Variants in B3GAT2 observed in about 807,000 individuals in gnomAD.
The protein encoded by B3GAT2 is galactosylgalactosylxylosylprotein 3-beta-glucuronosyltransferase 2.
In B3GAT2, 26 loss-of-function variants were observed where a neutral mutation model predicts 27.8. That is an observed-to-expected ratio of 0.93 (90% CI 0.68 to 1.30). The LOEUF (loss-of-function observed/expected upper bound fraction) is 1.30, where lower values mean the gene tolerates loss of function less well. Among genes scored for constraint, B3GAT2 ranks in the 50% most tolerant of loss-of-function variants. The probability of loss-of-function intolerance (pLI) is 0.00; values close to 1 mark genes in which losing one functional copy is unlikely to be tolerated. For missense variants in B3GAT2, 458 were observed against 459.0 expected (o/e 1.00, Z 0.02); for synonymous variants, 218 against 195.1 (o/e 1.12, Z -0.98).
rs1332442201 is a variant in B3GAT2, at chr6:70,856,755, GT to G, written c.*4907del. On this transcript the variant is annotated 3_prime_UTR_variant, in exon 4 of 4. Transcript: ENST00000230053. ...TGGCACCATTTTACCTTCTACAATT[GT>G]TTGATTCCTATCTAATTTTATAACT... 8.2e-7 allele frequency: 1 copy of G among 1,212,456 alleles called. No individual in the cohort carries two copies. The highest frequency in any genetic ancestry group is 1.1e-6 in the Non-Finnish European group (1 of 888,116). 75.1% of individuals were successfully genotyped at this position (1,212,456 alleles called of 1,614,324 possible). A position where few individuals can be genotyped will look rare whatever the true frequency, so the allele number is the denominator to read the frequency against.
chr6:70,874,364 G>C (rs1423113314), intron 2 of B3GAT2, among the ~76,000 whole-genome samples: 2 of 152,208 alleles, frequency 1.3e-5, no homozygotes, highest in African/African-American at 4.8e-5. Context: ...CCTGGAACCA[G>C]AGTCTCTCAG....
chr6:70,940,693 C>T lies in B3GAT2; in HGVS notation c.591+15146G>A, dbSNP rs1178338784. Among the ~76,000 whole-genome samples, 11 of 152,026 alleles carry T rather than the reference C, an allele frequency of 7.2e-5. 1 individual carries two copies. In the East Asian group the frequency reaches 1.2e-3, roughly 16 times the overall value. ...CTGTAATCCCAGCACTTTGGGAAAC[C>T]GAGGTGGGTGCATCACCTGAGGTCA... On this transcript the variant is annotated intron_variant, in intron 1 of 3. Transcript: ENST00000230053.
At position 70,926,981 on chromosome 6, in the gene B3GAT2, G is replaced by A. The variant is rs539191694; in HGVS notation, c.591+28858C>T. On this transcript the variant is annotated intron_variant, in intron 1 of 3. Transcript: ENST00000230053. ...CATCAGACTAACAGCAGATCTCTCA[G>A]CAGAAACACTACAAGCCAGAAGAGA... is the stretch of plus-strand genomic sequence containing the variant. Among the ~76,000 whole-genome samples, 16 of 152,270 alleles carry A rather than the reference G, an allele frequency of 1.1e-4. No individual in the cohort carries two copies. In the East Asian group the frequency reaches 2.3e-3, roughly 22 times the overall value.
At position 70,956,773 on chromosome 6, in the gene B3GAT2, T is replaced by G. The variant is rs1409291922; in HGVS notation, c.-344A>C. 5 of 1,161,250 alleles carry G rather than the reference T, an allele frequency of 4.3e-6. No individual in the cohort carries two copies. Among genetic ancestry groups the G allele is most frequent in the Non-Finnish European group, 4.3e-6 (4 of 940,402 alleles). The allele number at this position is 1,161,250 out of a possible 1,614,324, so 71.9% of individuals were successfully genotyped here. ...AAGGCGCTGATCCCCACCGCGCTCT[T>G]TCTGAAGAGTGGAAGCCGAGAAGCG... On this transcript the variant is annotated 5_prime_UTR_variant, in exon 1 of 4. Transcript: ENST00000230053.
At position 70,861,672 on chromosome 6, in the gene B3GAT2, A is replaced by C. The variant is rs768734456; in HGVS notation, c.963T>G (p.Ile321Met). 1.2e-6 allele frequency: 2 copies of C among 1,613,466 alleles called. No individual in the cohort carries two copies. Among genetic ancestry groups the C allele is most frequent in the Non-Finnish European group, 1.7e-6 (2 of 1,179,494 alleles). ...EPKYHLDTVK[I>M]EV ...CAGTTGCTGCTTCAATTTATACCTC[A>C]ATTTTCACTGTGTCCAGGTGGTACT... is the stretch of plus-strand genomic sequence containing the variant. Residue 321 changes from isoleucine (I) to methionine (M), a missense_variant, in exon 4 of 4, where the codon ATT (isoleucine) becomes ATG (methionine). Ile to Met is a conservative substitution (Grantham distance 10). Coordinates refer to ENST00000230053, the MANE Select transcript of B3GAT2 (RefSeq NM_080742.3).
intron 1 of B3GAT2, among the ~76,000 whole-genome samples, chr6:70,938,349 A>C (rs1405856759): frequency 6.7e-6 from 1 of 148,324 alleles, no homozygotes; most frequent in Non-Finnish European, 1.5e-5. Context: ...TATAGATTCA[A>C]TGCCATCCCC....
intron 1 of B3GAT2, among the ~76,000 whole-genome samples, chr6:70,920,631 C>G (rs780301574): frequency 1.3e-5 from 2 of 152,160 alleles, no homozygotes; most frequent in African/African-American, 2.4e-5. Context: ...TGCATGTTTA[C>G]TTTTAAGGAT....
At chr6:70,899,276 T>C (rs1772450898) in intron 1 of B3GAT2, among the ~76,000 whole-genome samples, 1 of 152,194 alleles carries the variant, frequency 6.6e-6, no homozygotes, top group African/African-American at 2.4e-5. Context: ...TTAAGCTGGG[T>C]CATGAAAGGT....
At chr6:70,942,028 T>C (rs992033732) in intron 1 of B3GAT2, among the ~76,000 whole-genome samples, 1 of 152,158 alleles carries the variant, frequency 6.6e-6, no homozygotes, top group Non-Finnish European at 1.5e-5. Context: ...TACTTATCTA[T>C]AGTTTTCCTA....
Position 70,865,632 on chromosome 6 carries a change from C to T in B3GAT2, c.737-3654G>A, listed in dbSNP as rs980155649. Among the ~76,000 whole-genome samples, 17 of 152,196 alleles carry T rather than the reference C, an allele frequency of 1.1e-4. 1 individual carries two copies. Among genetic ancestry groups the T allele is most frequent in the Admixed American group, 9.8e-4 (15 of 15,286 alleles). ...CTATGGATACTCAGGAATAACTATT[C>T]CCTCTCAGGCAGAGGGATAGGGCCT... On this transcript the variant is annotated intron_variant, in intron 2 of 3. Coordinates refer to ENST00000230053, the MANE Select transcript of B3GAT2 (RefSeq NM_080742.3).
At chr6:70,953,559 A>G (rs1446588042) in intron 1 of B3GAT2, among the ~76,000 whole-genome samples, 1 of 152,224 alleles carries the variant, frequency 6.6e-6, no homozygotes, top group Non-Finnish European at 1.5e-5. Context: ...TAGTCATAAA[A>G]TTACTGTCTG....
chr6:70,856,925 ACT>A lies in B3GAT2; in HGVS notation c.*4736_*4737del. ...AACATCTGGGGATCTAGATTTATTCACTGAGCAAACTACAAAATCAGAAGAAG... is the reference window on the plus strand; with the variant it reads ...AACATCTGGGGATCTAGATTTATTCAGAGCAAACTACAAAATCAGAAGAAG... On this transcript the variant is annotated 3_prime_UTR_variant, in exon 4 of 4. Coordinates refer to ENST00000230053, the MANE Select transcript of B3GAT2 (RefSeq NM_080742.3). 6.2e-7 allele frequency: 1 copy of A among 1,614,002 alleles called. No homozygotes were observed. Among genetic ancestry groups the A allele is most frequent in the Non-Finnish European group, 8.5e-7 (1 of 1,179,890 alleles).
In B3GAT2 at chr6:70,856,955, G is replaced by T. The variant is rs1192272851; in HGVS notation, c.*4708C>A. ...GCAAACTACAAAATCAGAAGAAGTGGCAAAGAAACAACTTTCCAAAGACTC... is the reference window on the plus strand; with the variant it reads ...GCAAACTACAAAATCAGAAGAAGTGTCAAAGAAACAACTTTCCAAAGACTC... On this transcript the variant is annotated 3_prime_UTR_variant, in exon 4 of 4. Coordinates refer to ENST00000230053, the MANE Select transcript of B3GAT2 (RefSeq NM_080742.3). 2.5e-6 allele frequency: 4 copies of T among 1,613,782 alleles called. No individual in the cohort carries two copies. Among genetic ancestry groups the T allele is most frequent in the South Asian group, 2.2e-5 (2 of 91,052 alleles).
chr6:70,879,625 G>A (rs959038171), intron 2 of B3GAT2, among the ~76,000 whole-genome samples: 2 of 152,186 alleles, frequency 1.3e-5, no homozygotes, highest in African/African-American at 4.8e-5. Flanking sequence ...TGTCAGGGAG[G>A]TGGAATGTTG....
intron 1 of B3GAT2, among the ~76,000 whole-genome samples, chr6:70,929,341 T>G (rs1477979827): frequency 6.6e-6 from 1 of 152,050 alleles, no homozygotes; most frequent in African/African-American, 2.4e-5. Context: ...GAACTTAAAG[T>G]ATAATAAAAA....
intron 2 of B3GAT2, among the ~76,000 whole-genome samples, chr6:70,882,984 C>T (rs946996554): frequency 2.0e-5 from 3 of 152,172 alleles, no homozygotes; most frequent in African/African-American, 7.2e-5. Context: ...CCACGAAGCA[C>T]ATGAAGTGCA....
chr6:70,866,458 T>C (rs1281292578), intron 2 of B3GAT2, among the ~76,000 whole-genome samples: 5 of 152,214 alleles, frequency 3.3e-5, no homozygotes, highest in Admixed American at 1.3e-4. Context: ...TGTATACATA[T>C]ATGTCTCTCT....
At chr6:70,902,550 T>C (rs1402253529) in intron 1 of B3GAT2, among the ~76,000 whole-genome samples, 1 of 151,122 alleles carries the variant, frequency 6.6e-6, no homozygotes, top group East Asian at 1.9e-4. Context: ...TGCAGCACTA[T>C]TCACAATAGC....
intron 1 of B3GAT2, among the ~76,000 whole-genome samples, chr6:70,947,818 T>G (rs537848785): frequency 3.9e-5 from 6 of 152,304 alleles, no homozygotes; most frequent in African/African-American, 1.2e-4. Flanking sequence ...TGAACATTGA[T>G]GCAAAAATCC....
Sources: gnomAD v4.1 joint callset for allele counts (sites outside exome capture counted in the v4.1 genomes callset) on GRCh38, gnomAD v4.1.1 for gene constraint, MANE v1.5 for transcripts, NCBI Gene and HGNC (gene_info 2026-07-23, HGNC 2026-07-21) for gene names.